Variants in MAGI2 observed in about 807,000 individuals in gnomAD.
The protein encoded by MAGI2 is membrane-associated guanylate kinase, WW and PDZ domain-containing protein 2.
MAGI2 carries 35 observed loss-of-function variants against 133.3 expected under a neutral mutation model. The observed-to-expected ratio is 0.26, with a 90% confidence interval of 0.20 to 0.35. MAGI2 has a LOEUF of 0.35. MAGI2 is among the 10% of genes least tolerant of loss of function. The pLI, the probability that MAGI2 is intolerant of heterozygous loss-of-function variation, is 1.00. For missense variants in MAGI2, 1,636 were observed against 1,863.4 expected, an observed-to-expected ratio of 0.88 and a Z score of 2.25; for synonymous variants, 729 against 710.6, an observed-to-expected ratio of 1.03 and a Z score of -0.41.
intron 1 of MAGI2, among the ~76,000 whole-genome samples, chr7:79,087,031 C>T (rs1816571574): frequency 6.6e-6 from 1 of 151,650 alleles, no homozygotes; most frequent in South Asian, 2.1e-4. Context: ...CAGATATACT[C>T]TACCATTTCC....
At chr7:78,288,639 G>A (rs1356892262) in intron 9 of MAGI2, among the ~76,000 whole-genome samples, 3 of 152,168 alleles carry the variant, frequency 2.0e-5, no homozygotes, top group Non-Finnish European at 2.9e-5. Context: ...CTGAGACTGG[G>A]CAGACTGCCT....
intron 2 of MAGI2, among the ~76,000 whole-genome samples, chr7:78,938,415 T>C (rs1800693676): frequency 6.6e-6 from 1 of 152,110 alleles, no homozygotes; most frequent in Non-Finnish European, 1.5e-5. Flanking sequence ...GAATTAGTTA[T>C]GTAGTATGTC....
intron 1 of MAGI2, among the ~76,000 whole-genome samples, chr7:79,124,428 G>A (rs1379210906): frequency 4.6e-5 from 7 of 152,150 alleles, no homozygotes; most frequent in African/African-American, 1.7e-4. Context: ...GATTTGAAAA[G>A]GTAGTTATTT....
chr7:78,774,705 A>T (rs1366911286), intron 2 of MAGI2, among the ~76,000 whole-genome samples: 2 of 152,166 alleles, frequency 1.3e-5, no homozygotes, highest in African/African-American at 4.8e-5. Flanking sequence ...GACCACAGGC[A>T]GGATAGACAC....
intron 15 of MAGI2, 94 bp from the exon 16 acceptor site, chr7:78,160,367 T>C: frequency 2.3e-6 from 3 of 1,303,660 alleles, no homozygotes; most frequent in Non-Finnish European, 3.1e-6. Context: ...ACAGTGGTAT[T>C]GTTACAAGAC....
chr7:78,895,354 A>C (rs1030646283), intron 2 of MAGI2, among the ~76,000 whole-genome samples: 3 of 152,174 alleles, frequency 2.0e-5, no homozygotes, highest in African/African-American at 7.2e-5. Context: ...TTTATAAATT[A>C]CCCAGTCTCA....
intron 1 of MAGI2, among the ~76,000 whole-genome samples, chr7:79,044,579 T>A (rs1236512253): frequency 6.6e-6 from 1 of 152,046 alleles, no homozygotes; most frequent in African/African-American, 2.4e-5. Flanking sequence ...CCAGATCAAT[T>A]GGGCAAGAGA....
chr7:79,167,801 A>C (rs779202629), intron 1 of MAGI2, among the ~76,000 whole-genome samples: 4 of 152,098 alleles, frequency 2.6e-5, no homozygotes, highest in Non-Finnish European at 5.9e-5. Context: ...ATCTGGCCAT[A>C]AACTGGCCCC....
intron 2 of MAGI2, among the ~76,000 whole-genome samples, chr7:78,996,735 C>T (rs1323643503): frequency 6.6e-6 from 1 of 152,162 alleles, no homozygotes; most frequent in Non-Finnish European, 1.5e-5. Context: ...ACTTTAAAAA[C>T]TTTCCATTCC....
chr7:78,746,523 G>T (rs1354186101), intron 2 of MAGI2, among the ~76,000 whole-genome samples: 1 of 152,170 alleles, frequency 6.6e-6, no homozygotes, highest in Non-Finnish European at 1.5e-5. Context: ...TGATGCCAAA[G>T]AATGTTTAAT....
At chr7:78,171,627 A>C (rs1426100594) in intron 14 of MAGI2, among the ~76,000 whole-genome samples, 2 of 152,172 alleles carry the variant, frequency 1.3e-5, no homozygotes. Context: ...TCCCTGACCC[A>C]TCACAGTAGC....
At chr7:78,776,182 C>A (rs1310273900) in intron 2 of MAGI2, among the ~76,000 whole-genome samples, 1 of 152,082 alleles carries the variant, frequency 6.6e-6, no homozygotes, top group Non-Finnish European at 1.5e-5. Flanking sequence ...ATTTTATTAC[C>A]ACTATTGTTG....
At chr7:78,210,819 T>C (rs1004157147) in intron 10 of MAGI2, among the ~76,000 whole-genome samples, 1 of 152,162 alleles carries the variant, frequency 6.6e-6, no homozygotes, top group Non-Finnish European at 1.5e-5. Flanking sequence ...ACAAGACTTT[T>C]TATTGGTTTG....
At chr7:78,521,404 A>G (rs1303284889) in intron 4 of MAGI2, 26 bp downstream of exon 4, 1 of 1,561,966 alleles carries the variant, frequency 6.4e-7, no homozygotes, top group Admixed American at 1.7e-5. Flanking sequence ...AAATTTATGA[A>G]GCCATAAAAA....
At chr7:79,151,892 C>T (rs1823282884) in intron 1 of MAGI2, among the ~76,000 whole-genome samples, 2 of 74,412 alleles carry the variant, frequency 2.7e-5, no homozygotes, top group African/African-American at 5.9e-5. Context: ...CTTCAGGTGT[C>T]TAAAGTCCAG....
At chr7:78,841,557 C>T (rs1792144949) in intron 2 of MAGI2, among the ~76,000 whole-genome samples, 1 of 151,946 alleles carries the variant, frequency 6.6e-6, no homozygotes, top group Non-Finnish European at 1.5e-5. Flanking sequence ...TGTACTTTGA[C>T]AACTCCTCAA....
chr7:78,574,254 C>G (rs1252506560), intron 3 of MAGI2, among the ~76,000 whole-genome samples: 4 of 152,184 alleles, frequency 2.6e-5, no homozygotes, highest in Non-Finnish European at 5.9e-5. Flanking sequence ...GGTGACATTG[C>G]TAACTGGCAT....
chr7:78,126,047 A>G (rs748425721), intron 19 of MAGI2, among the ~76,000 whole-genome samples: 1 of 152,224 alleles, frequency 6.6e-6, no homozygotes, highest in African/African-American at 2.4e-5. Flanking sequence ...TTACTTGGTC[A>G]TCAAAGAATT....
At chr7:78,501,219 A>G (rs910035808) in intron 5 of MAGI2, among the ~76,000 whole-genome samples, 1 of 152,234 alleles carries the variant, frequency 6.6e-6, no homozygotes, top group African/African-American at 2.4e-5. Context: ...AGATAATAGG[A>G]AAAAAATTTC....
Sources: allele counts gnomAD v4.1 joint callset (sites outside exome capture counted in the v4.1 genomes callset), GRCh38; gene constraint gnomAD v4.1.1; transcripts MANE v1.5; gene names NCBI Gene and HGNC (gene_info 2026-07-23, HGNC 2026-07-21).